CNTLN: variants seen among roughly 807,000 people sequenced by gnomAD.
The protein encoded by CNTLN is centlein, centrosomal protein.
In CNTLN, 212 loss-of-function variants were observed where a neutral mutation model predicts 180.0. The ratio of observed to expected loss-of-function variants is 1.18; its 90% CI spans 1.05 to 1.32. CNTLN has a LOEUF of 1.32. Among genes scored for constraint, CNTLN ranks in the 40% most tolerant of loss-of-function variants. The pLI is 0.00. For missense variants in CNTLN, 2,095 were observed against 1,610.9 expected, an observed-to-expected ratio of 1.30 and a Z score of -5.14; for synonymous variants, 722 against 563.1, an observed-to-expected ratio of 1.28 and a Z score of -3.99.
intron 2 of CNTLN, among the ~76,000 whole-genome samples, chr9:17,217,518 A>G (rs933985736): frequency 6.6e-6 from 1 of 152,244 alleles, no homozygotes; most frequent in African/African-American, 2.4e-5. Flanking sequence ...TGCAAGGTGC[A>G]AGTTAGCACT....
rs74999232 is a variant in CNTLN at position 17,147,720 on chromosome 9, A to G, written c.449+4344A>G. Among the ~76,000 whole-genome samples, 151 of 152,296 alleles carry G rather than the reference A, an allele frequency of 9.9e-4. 3 individuals are homozygous for G. In the East Asian group the frequency reaches 0.021, roughly 22 times the overall value. On this transcript the variant is annotated intron_variant, in intron 2 of 25. Coordinates refer to ENST00000380647, the MANE Select transcript of CNTLN (RefSeq NM_017738.4). ...AGCTCATCCCCTCAGAAAGAAGTAT[A>G]ATATCATTTTTAGGGTTATAGTATA...
At chr9:17,158,280 C>T (rs1819439158) in intron 2 of CNTLN, among the ~76,000 whole-genome samples, 1 of 151,898 alleles carries the variant, frequency 6.6e-6, no homozygotes, top group African/African-American at 2.4e-5. Context: ...TTTATATGTT[C>T]CCGAATTTGG....
intron 7 of CNTLN, chr9:17,299,184 A>G (rs1460579040): frequency 6.2e-6 from 1 of 161,020 alleles, no homozygotes; most frequent in African/African-American, 2.6e-5. Context: ...CGGAGGTCGC[A>G]GTGAGCCAAG....
chr9:17,322,922 T>C (rs1219551112), intron 8 of CNTLN, among the ~76,000 whole-genome samples: 1 of 152,230 alleles, frequency 6.6e-6, no homozygotes, highest in Non-Finnish European at 1.5e-5. Flanking sequence ...TTATATTCTT[T>C]ATGAATTTGT....
rs755284145 is a variant in CNTLN, at chr9:17,484,352, C to G, written c.3913C>G (p.Leu1305Val). Residue 1305 changes from leucine (L) to valine (V), a missense_variant, in exon 24 of 26, where the codon CTT (leucine) becomes GTT (valine). Physicochemically the swap from Leu to Val is conservative, Grantham distance 32 (BLOSUM62 1). Coordinates refer to ENST00000380647, the MANE Select transcript of CNTLN (RefSeq NM_017738.4). ...TGTGGTAAGGCGACAAATAAGAGAG[C>G]TTAAAAAAATGAAGAAAAACAGGGA... The part of the protein sequence containing the change: ...VHVVRRQIRE[L>V]KKMKKNRDAC... 1.2e-6 allele frequency: 2 copies of G among 1,612,108 alleles called. No homozygotes were observed. Among genetic ancestry groups the G allele is most frequent in the African/African-American group, 1.3e-5 (1 of 74,772 alleles).
intron 18 of CNTLN, among the ~76,000 whole-genome samples, chr9:17,428,914 T>A (rs1007103325): frequency 5.3e-5 from 8 of 151,998 alleles, no homozygotes; most frequent in African/African-American, 1.7e-4. Context: ...TTATTTACTT[T>A]TTAAAAAAAT....
intron 6 of CNTLN, among the ~76,000 whole-genome samples, chr9:17,281,375 T>C (rs1828652036): frequency 6.6e-6 from 1 of 152,122 alleles, no homozygotes; most frequent in South Asian, 2.1e-4. Context: ...GCAGCACCTA[T>C]CAATCTATCA....
At chr9:17,392,729 T>C (rs552880998) in intron 14 of CNTLN, among the ~76,000 whole-genome samples, 2 of 152,000 alleles carry the variant, frequency 1.3e-5, no homozygotes, top group African/African-American at 4.8e-5. Flanking sequence ...TGTTGAGAAA[T>C]ACCCATGCCC....
chr9:17,221,794 C>A (rs1269567653), intron 2 of CNTLN, among the ~76,000 whole-genome samples: 3 of 152,014 alleles, frequency 2.0e-5, no homozygotes, highest in African/African-American at 7.2e-5. Flanking sequence ...ACTTCTTTTC[C>A]CATTCTTACT....
At chr9:17,301,664 A>G in intron 7 of CNTLN, 1 of 970,296 alleles carries the variant, frequency 1.0e-6, no homozygotes, top group Non-Finnish European at 1.2e-6. Context: ...AGTTGTTCAT[A>G]CAGTTTTCAT....
At chr9:17,177,905 G>GC (rs1820832547) in intron 2 of CNTLN, among the ~76,000 whole-genome samples, 1 of 152,052 alleles carries the variant, frequency 6.6e-6, no homozygotes, top group South Asian at 2.1e-4. Context: ...CTCTTATCTG[G>GC]CCCCACCCAC....
chr9:17,462,477 A>G (rs1432588025), intron 19 of CNTLN, among the ~76,000 whole-genome samples: 1 of 151,826 alleles, frequency 6.6e-6, no homozygotes, highest in Non-Finnish European at 1.5e-5. Context: ...AAGCCAGACT[A>G]CGTTCAGTGG....
chr9:17,256,440 T>C (rs1826493437), intron 5 of CNTLN, among the ~76,000 whole-genome samples: 2 of 152,040 alleles, frequency 1.3e-5, no homozygotes, highest in African/African-American at 4.8e-5. Flanking sequence ...TTTGACTGTT[T>C]AGTAAAAGCC....
chr9:17,268,356 T>C (rs988607037), intron 5 of CNTLN, among the ~76,000 whole-genome samples: 2 of 152,166 alleles, frequency 1.3e-5, no homozygotes, highest in Admixed American at 6.5e-5. Flanking sequence ...TAGCGGATAT[T>C]GGTGACCCGC....
intron 8 of CNTLN, among the ~76,000 whole-genome samples, chr9:17,309,765 G>A (rs1473020746): frequency 6.6e-6 from 1 of 151,960 alleles, no homozygotes; most frequent in Non-Finnish European, 1.5e-5. Context: ...TGTAGGATCT[G>A]GTTGCAGAGC....
chr9:17,359,737 A>C (rs1245459402), intron 12 of CNTLN, among the ~76,000 whole-genome samples: 3 of 118,294 alleles, frequency 2.5e-5, no homozygotes, highest in Non-Finnish European at 3.6e-5. Flanking sequence ...AAAAAAAAAA[A>C]AAAAAAAAAA....
intron 7 of CNTLN, chr9:17,298,585 T>C (rs950297344): frequency 3.6e-6 from 4 of 1,117,048 alleles, no homozygotes; most frequent in Non-Finnish European, 4.4e-6. Flanking sequence ...ACTTACTCTA[T>C]AGGGTATTAT....
intron 3 of CNTLN, 79 bp from the exon 4 acceptor site, chr9:17,235,579 A>C (rs1476422313): frequency 8.2e-7 from 1 of 1,218,668 alleles, no homozygotes; most frequent in Non-Finnish European, 1.2e-6. Flanking sequence ...TTAGCAAATC[A>C]AAATGTAAAA....
chr9:17,289,841 C>G (rs1829244908), intron 6 of CNTLN, among the ~76,000 whole-genome samples: 1 of 137,528 alleles, frequency 7.3e-6, no homozygotes, highest in Non-Finnish European at 1.5e-5. Flanking sequence ...AGTTCTCGAG[C>G]CTTGGTTTTC....
Sources: gnomAD v4.1 joint callset for allele counts (sites outside exome capture counted in the v4.1 genomes callset) on GRCh38, gnomAD v4.1.1 for gene constraint, MANE v1.5 for transcripts, NCBI Gene and HGNC (gene_info 2026-07-23, HGNC 2026-07-21) for gene names.